Variants in EPHA6 observed in about 807,000 individuals in gnomAD.
EPHA6 encodes EPH receptor A6, also known as ephrin type-A receptor 6.
A neutral mutation model predicts 112.0 loss-of-function variants in EPHA6; 50 were observed. That is an observed-to-expected ratio of 0.45 (90% CI 0.36 to 0.56). The LOEUF (loss-of-function observed/expected upper bound fraction) is 0.56. Among genes scored for constraint, EPHA6 ranks in the 20% least tolerant of loss-of-function variants. The pLI, the probability that EPHA6 is intolerant of heterozygous loss-of-function variation, is 0.00. For missense variants in EPHA6, 1,280 were observed against 1,417.4 expected (o/e 0.90, Z 1.56); for synonymous variants, 529 against 490.7 (o/e 1.08, Z -1.03).
chr3:97,072,788 A>G (rs1052750493), intron 3 of EPHA6, among the ~76,000 whole-genome samples: 1 of 152,148 alleles, frequency 6.6e-6, no homozygotes, highest in African/African-American at 2.4e-5. Flanking sequence ...TTCAGGAAAT[A>G]TAATTTGCCC....
intron 1 of EPHA6, among the ~76,000 whole-genome samples, chr3:96,823,884 A>G (rs962614380): frequency 7.2e-5 from 11 of 151,826 alleles, no homozygotes; most frequent in African/African-American, 2.7e-4. Context: ...AACTTTGGAA[A>G]TGTGTACTGT....
intron 6 of EPHA6, among the ~76,000 whole-genome samples, chr3:97,430,271 T>A (rs919416102): frequency 2.0e-5 from 3 of 152,130 alleles, no homozygotes; most frequent in Non-Finnish European, 4.4e-5. Flanking sequence ...ATATTTGAAG[T>A]GATTTAATGA....
intron 3 of EPHA6, among the ~76,000 whole-genome samples, chr3:97,005,976 C>G (rs1300910322): frequency 6.6e-6 from 1 of 152,118 alleles, no homozygotes; most frequent in Non-Finnish European, 1.5e-5. Context: ...CTGATTTGAT[C>G]ATGATGGATG....
chr3:97,566,743 A>G (rs147604378), intron 11 of EPHA6, among the ~76,000 whole-genome samples: 1 of 152,212 alleles, frequency 6.6e-6, no homozygotes, highest in East Asian at 1.9e-4. Flanking sequence ...CTTTCAGTCT[A>G]TTGGCTCTGC....
intron 12 of EPHA6, among the ~76,000 whole-genome samples, chr3:97,596,906 G>GTATATATATATATATA (rs1198437621): frequency 1.1e-5 from 1 of 92,882 alleles, no homozygotes; most frequent in African/African-American, 7.0e-5. Context: ...ATATATATAT[G>GTATATATATATATATA]TATGTATATA....
At chr3:97,038,314 C>A (rs187312735) in intron 3 of EPHA6, among the ~76,000 whole-genome samples, 7 of 151,920 alleles carry the variant, frequency 4.6e-5, no homozygotes, top group Non-Finnish European at 1.0e-4. Flanking sequence ...CCTTTCCCCC[C>A]CCATGCTTCC....
At chr3:97,683,710 CA>C (rs2032037556) in intron 14 of EPHA6, among the ~76,000 whole-genome samples, 1 of 152,104 alleles carries the variant, frequency 6.6e-6, no homozygotes, top group South Asian at 2.1e-4. Context: ...TCACCAACCC[CA>C]CACAAGGCCC....
chr3:97,151,897 A>T (rs915782211), intron 3 of EPHA6, among the ~76,000 whole-genome samples: 1 of 152,022 alleles, frequency 6.6e-6, no homozygotes, highest in Non-Finnish European at 1.5e-5. Flanking sequence ...GTAATTATAT[A>T]GTACTTTTAT....
At chr3:96,831,597 A>G in intron 1 of EPHA6, among the ~76,000 whole-genome samples, 1 of 151,998 alleles carries the variant, frequency 6.6e-6, no homozygotes, top group Middle Eastern at 3.4e-3. Flanking sequence ...ATTATAGTTT[A>G]AGTTCTAGGA....
intron 14 of EPHA6, among the ~76,000 whole-genome samples, chr3:97,694,384 C>G (rs968272248): frequency 7.9e-5 from 12 of 152,030 alleles, no homozygotes; most frequent in Non-Finnish European, 1.6e-4. Context: ...TTACAGGCAC[C>G]AGCCACCATG....
chr3:97,562,319 T>A (rs987008882), intron 11 of EPHA6, among the ~76,000 whole-genome samples: 3 of 152,162 alleles, frequency 2.0e-5, no homozygotes, highest in Non-Finnish European at 2.9e-5. Context: ...ATTAGGAACA[T>A]CTGTATTTCA....
At chr3:96,895,491 G>A (rs1186925185) in intron 2 of EPHA6, among the ~76,000 whole-genome samples, 1 of 152,098 alleles carries the variant, frequency 6.6e-6, no homozygotes, top group Non-Finnish European at 1.5e-5. Flanking sequence ...TGTAGCCTAA[G>A]TGTACAGAGT....
chr3:97,578,431 A>G (rs1215901644), intron 11 of EPHA6, among the ~76,000 whole-genome samples: 2 of 152,182 alleles, frequency 1.3e-5, no homozygotes, highest in Non-Finnish European at 2.9e-5. Context: ...TTCCATTTCC[A>G]CTCACTGATC....
At chr3:97,291,039 T>C (rs1404407785) in intron 5 of EPHA6, among the ~76,000 whole-genome samples, 1 of 152,196 alleles carries the variant, frequency 6.6e-6, no homozygotes, top group African/African-American at 2.4e-5. Flanking sequence ...TAAACTTTCC[T>C]CTTAGCTGTG....
At position 97,622,497 on chromosome 3, in the gene EPHA6, C is replaced by T. The variant is rs914578749; in HGVS notation, c.2574+11643C>T. 4.0e-5 allele frequency among the ~76,000 whole-genome samples: 6 copies of T among 151,852 alleles called. No homozygotes were observed. The East Asian group carries it at 7.8e-4, about 20-fold the overall frequency. ...CACATTTTGCTTATCCATTCATCTCCTGGTGGATATTTGTATTGCTTTCAT... is the reference window on the plus strand; with the variant it reads ...CACATTTTGCTTATCCATTCATCTCTTGGTGGATATTTGTATTGCTTTCAT... On this transcript the variant is annotated intron_variant, in intron 13 of 17. Coordinates refer to ENST00000389672, the MANE Select transcript of EPHA6 (RefSeq NM_001080448.3).
intron 5 of EPHA6, among the ~76,000 whole-genome samples, chr3:97,306,030 A>G (rs2081304650): frequency 6.6e-6 from 1 of 151,886 alleles, no homozygotes. Flanking sequence ...GAATATATGG[A>G]CATACAATGA....
intron 3 of EPHA6, among the ~76,000 whole-genome samples, chr3:97,070,330 A>G (rs1043403992): frequency 2.6e-5 from 4 of 152,118 alleles, no homozygotes; most frequent in Non-Finnish European, 4.4e-5. Context: ...ATAAAATAAC[A>G]TATGTATTCT....
rs571033783 is a variant in EPHA6, at chr3:97,310,840, C to T, written c.1606+66553C>T. ...TTATTCCTTGAAATAGCTTAAGCAA[C>T]GAATCTGCCAAACTCTTTGAGATTC... On this transcript the variant is annotated intron_variant, in intron 5 of 17. Coordinates refer to ENST00000389672, the MANE Select transcript of EPHA6 (RefSeq NM_001080448.3). 2.6e-5 allele frequency among the ~76,000 whole-genome samples: 4 copies of T among 151,732 alleles called. No homozygotes were observed. The South Asian group carries it at 6.2e-4, about 24-fold the overall frequency.
At chr3:97,312,546 A>C (rs2081610436) in intron 5 of EPHA6, among the ~76,000 whole-genome samples, 1 of 151,558 alleles carries the variant, frequency 6.6e-6, no homozygotes, top group African/African-American at 2.4e-5. Context: ...AAATATTTCA[A>C]AATCTAAAGA....
Sources: allele counts gnomAD v4.1 joint callset (sites outside exome capture counted in the v4.1 genomes callset), GRCh38; gene constraint gnomAD v4.1.1; transcripts MANE v1.5; gene names NCBI Gene and HGNC (gene_info 2026-07-23, HGNC 2026-07-21).